RBFOX1: variants seen among roughly 807,000 people sequenced by gnomAD.
The protein encoded by RBFOX1 is RNA binding fox-1 homolog 1.
RBFOX1 carries 8 observed loss-of-function variants against 57.7 expected under a neutral mutation model. That is an observed-to-expected ratio of 0.14 (90% CI 0.08 to 0.25). RBFOX1 has a LOEUF of 0.25. Among genes scored for constraint, RBFOX1 ranks in the 10% least tolerant of loss-of-function variants. The pLI is 1.00. For missense variants in RBFOX1, 611 were observed against 548.5 expected, an observed-to-expected ratio of 1.11 and a Z score of -1.14; for synonymous variants, 326 against 222.4, an observed-to-expected ratio of 1.47 and a Z score of -4.15.
At chr16:6,676,127 GACACACACACACGCGCACACACACACAC>G (rs1405460900) in intron 3 of RBFOX1, among the ~76,000 whole-genome samples, 1 of 125,492 alleles carries the variant, frequency 8.0e-6, no homozygotes, top group East Asian at 2.3e-4. Context: ...CTGCCTAGGG[GACACACACACACGCGCACACACACACAC>G]ACACACACAC....
intron 12 of RBFOX1, among the ~76,000 whole-genome samples, chr16:7,659,016 C>A (rs1597463893): frequency 1.3e-5 from 2 of 152,270 alleles, no homozygotes; most frequent in South Asian, 4.1e-4. Context: ...TGTGCCACCG[C>A]CCCCTGGCCA....
intron 3 of RBFOX1, among the ~76,000 whole-genome samples, chr16:6,761,485 C>G (rs1443255745): frequency 1.4e-5 from 2 of 141,652 alleles, no homozygotes; most frequent in Non-Finnish European, 3.1e-5. Flanking sequence ...AATAGTTTTC[C>G]TTTCTCCCAA....
At position 6,559,361 on chromosome 16, in the gene RBFOX1, TAC is replaced by T. The variant is rs1233070938; in HGVS notation, c.-63-95233_-63-95232del. On this transcript the variant is annotated intron_variant, in intron 2 of 15. Transcript: ENST00000550418. ...GTATGTGTGTATATGTGTGTATATA[TAC>T]ACACACACGTATGTATACATATATA... Among the ~76,000 whole-genome samples the T allele has an allele frequency of 2.6e-5, 4 of 152,138 alleles. No homozygotes were observed. In the South Asian group the frequency reaches 6.2e-4, roughly 24 times the overall value.
intron 2 of RBFOX1, among the ~76,000 whole-genome samples, chr16:6,403,965 C>T (rs2093178464): frequency 6.6e-6 from 1 of 152,102 alleles, no homozygotes; most frequent in East Asian, 1.9e-4. Flanking sequence ...AGGAAAAGAG[C>T]TCTCACCAGA....
At chr16:5,928,075 A>G (rs975149937) in intron 4 of RBFOX1, among the ~76,000 whole-genome samples, 10 of 152,052 alleles carry the variant, frequency 6.6e-5, no homozygotes, top group African/African-American at 2.4e-4. Context: ...AGCTGAATAA[A>G]TGTATTTTAT....
At chr16:5,256,182 G>A (rs925769140) in intron 1 of RBFOX1, among the ~76,000 whole-genome samples, 1 of 152,176 alleles carries the variant, frequency 6.6e-6, no homozygotes, top group Non-Finnish European at 1.5e-5. Context: ...TCAGAAAAAA[G>A]TTCCCCATTG....
intron 3 of RBFOX1, among the ~76,000 whole-genome samples, chr16:6,788,496 C>T (rs1201772441): frequency 2.0e-5 from 3 of 150,988 alleles, no homozygotes; most frequent in Non-Finnish European, 4.4e-5. Context: ...TTTTTTGAGA[C>T]AGAGTCTCTT....
At chr16:6,610,080 C>A (rs2098021243) in intron 2 of RBFOX1, among the ~76,000 whole-genome samples, 1 of 151,862 alleles carries the variant, frequency 6.6e-6, no homozygotes, top group Non-Finnish European at 1.5e-5. Context: ...GGGAAAATGG[C>A]CAGACAGAAA....
chr16:6,629,973 T>TTA (rs201032968), intron 2 of RBFOX1, among the ~76,000 whole-genome samples: 8,888 of 129,924 alleles, frequency 0.068, 342 homozygotes, highest in African/African-American at 0.091. Flanking sequence ...TTTTTTTTTT[T>TTA]AAAAAAAAAA....
intron 4 of RBFOX1, among the ~76,000 whole-genome samples, chr16:7,340,429 A>C (rs1321856422): frequency 6.6e-6 from 1 of 152,166 alleles, no homozygotes; most frequent in Non-Finnish European, 1.5e-5. Context: ...CAGATTTGCC[A>C]AAGGCAGGGA....
At chr16:7,187,679 A>C (rs1486729198) in intron 4 of RBFOX1, among the ~76,000 whole-genome samples, 1 of 109,598 alleles carries the variant, frequency 9.1e-6, no homozygotes, top group Non-Finnish European at 1.7e-5. Context: ...ACAGAATGAG[A>C]CTCTGTCTCA....
At chr16:6,277,458 C>CAAAAAAAAAAAAAAAAAAAA (rs59733415) in intron 1 of RBFOX1, among the ~76,000 whole-genome samples, 1 of 80,826 alleles carries the variant, frequency 1.2e-5, no homozygotes, top group African/African-American at 4.8e-5. Flanking sequence ...GTCTGTCTCC[C>CAAAAAAAAAAAAAAAAAAAA]AAAAAAAAAA....
chr16:5,997,860 T>A (rs566911699), intron 4 of RBFOX1, among the ~76,000 whole-genome samples: 70 of 152,084 alleles, frequency 4.6e-4, no homozygotes, highest in African/African-American at 1.5e-3. Flanking sequence ...ACTTTTTTTT[T>A]ATTTGCTGAT....
intron 3 of RBFOX1, among the ~76,000 whole-genome samples, chr16:5,816,208 G>T (rs1310655029): frequency 6.6e-6 from 1 of 152,172 alleles, no homozygotes; most frequent in Admixed American, 6.5e-5. Context: ...CTTAGGCTTG[G>T]AGGCACTGGG....
intron 1 of RBFOX1, among the ~76,000 whole-genome samples, chr16:6,221,824 T>C (rs1054253403): frequency 1.3e-5 from 2 of 152,164 alleles, no homozygotes; most frequent in Non-Finnish European, 2.9e-5. Context: ...ACAAGAACAG[T>C]ATGGGGGAAA....
In RBFOX1 at chr16:7,213,262, C is replaced by G. The variant is rs1421401927; in HGVS notation, c.27+161164C>G. Among the ~76,000 whole-genome samples the G allele has an allele frequency of 2.0e-5, 3 of 152,248 alleles. No homozygotes were observed. In the South Asian group the frequency reaches 6.2e-4, roughly 32 times the overall value. ...GTTTTTCCCCCTTTATCAGTGGTTC[C>G]CCATTCTGGCTGCAACACATTCGCT... On this transcript the variant is annotated intron_variant, in intron 4 of 15. Coordinates refer to ENST00000550418, the MANE Select transcript of RBFOX1 (RefSeq NM_018723.4).
chr16:7,133,997 C>T (rs2071228992), intron 4 of RBFOX1, among the ~76,000 whole-genome samples: 1 of 152,272 alleles, frequency 6.6e-6, no homozygotes, highest in Admixed American at 6.5e-5. Context: ...CAATTCTAAG[C>T]CTTGCAATAT....
chr16:5,608,061 C>G (rs902073007), intron 3 of RBFOX1, among the ~76,000 whole-genome samples: 1 of 152,180 alleles, frequency 6.6e-6, no homozygotes, highest in African/African-American at 2.4e-5. Context: ...AGAATAGGCA[C>G]ATGTTTAATT....
chr16:5,469,725 C>G (rs1320542615), intron 2 of RBFOX1, among the ~76,000 whole-genome samples: 1 of 152,130 alleles, frequency 6.6e-6, no homozygotes, highest in African/African-American at 2.4e-5. Context: ...GTGGATTTAC[C>G]TCTTTTGGAT....
Sources: gnomAD v4.1 joint callset for allele counts (sites outside exome capture counted in the v4.1 genomes callset) on GRCh38, gnomAD v4.1.1 for gene constraint, MANE v1.5 for transcripts, NCBI Gene and HGNC (gene_info 2026-07-23, HGNC 2026-07-21) for gene names.